Variants in HEXIM1 observed in about 807,000 individuals in gnomAD.
The protein encoded by HEXIM1 is HEXIM P-TEFb complex subunit 1.
Under a neutral mutation model 30.3 loss-of-function variants are expected in HEXIM1, and 1 was observed. The ratio of observed to expected loss-of-function variants is 0.03; its 90% CI spans 0.01 to 0.16. The LOEUF (loss-of-function observed/expected upper bound fraction) is 0.16. Among genes scored for constraint, HEXIM1 ranks in the 10% least tolerant of loss-of-function variants. The pLI, the probability that HEXIM1 is intolerant of heterozygous loss-of-function variation, is 1.00. For synonymous variants in HEXIM1, 245 were observed against 208.3 expected (o/e 1.18, Z -1.52); for missense variants, 391 against 476.4 (o/e 0.82, Z 1.67).
In HEXIM1 at chr17:45,151,933, A is replaced by G. The variant is rs1028962598; in HGVS notation, c.*1663A>G. The stretch of plus-strand genomic sequence containing the variant: ...AAAATGCACCTTGTATTGCATAAGA[A>G]GCATACACAAATCAATAAATCAAGG... On this transcript the variant is annotated 3_prime_UTR_variant, in exon 1 of 1. Transcript: ENST00000332499. 2 of 167,124 alleles carry G rather than the reference A, an allele frequency of 1.2e-5. No homozygotes were observed. Among genetic ancestry groups the G allele is most frequent in the African/African-American group, 4.8e-5 (2 of 41,458 alleles). 10.4% of individuals were successfully genotyped at this position (167,124 alleles called of 1,614,324 possible). A position where few individuals can be genotyped will look rare whatever the true frequency, so the allele number is the denominator to read the frequency against.
Position 45,149,378 on chromosome 17 carries a change from G to C in HEXIM1, c.188G>C (p.Gly63Ala). Residue 63 changes from glycine (G) to alanine (A), a missense_variant, in exon 1 of 1, where the codon GGG becomes GCG. Transcript: ENST00000332499. This position sits in a 1 kb window ranked among gnomAD's most constrained non-coding sequence, Gnocchi z 5.3. Reference protein sequence around the residue: ...PQLGGRPGPEGEGSLESQPPP... With the variant: ...PQLGGRPGPEAEGSLESQPPP... ...TTGGGTGGCCGTCCGGGGCCGGAGG[G>C]GGAAGGGAGCCTGGAATCCCAACCA... 1 of 1,613,452 alleles carries C rather than the reference G, an allele frequency of 6.2e-7. No individual in the cohort carries two copies. The highest frequency in any genetic ancestry group is 8.5e-7 in the Non-Finnish European group (1 of 1,179,932).
chr17:45,151,789 T>C lies in HEXIM1; in HGVS notation c.*1519T>C, dbSNP rs2055549159. The C allele has an allele frequency of 1.2e-5, 2 of 167,054 alleles. No homozygotes were observed. The highest frequency in any genetic ancestry group is 6.5e-5 in the Admixed American group (1 of 15,268). The allele number at this position is 167,054 out of a possible 1,614,324, so 10.3% of individuals were successfully genotyped here. Reference sequence around the variant, plus strand: ...GAGAAGGTTCAAGAGATTCATAAGATTGTCAAACTCCTTGAAGGTTCAGAA... The same window carrying C: ...GAGAAGGTTCAAGAGATTCATAAGACTGTCAAACTCCTTGAAGGTTCAGAA... On this transcript the variant is annotated 3_prime_UTR_variant, in exon 1 of 1. Coordinates refer to ENST00000332499, the MANE Select transcript of HEXIM1 (RefSeq NM_006460.3).
chr17:45,149,167 TAA>T lies in HEXIM1; in HGVS notation c.-22_-21del. ...TAAGGACTTACTAGCCAAAATTTCTTAAACTTCGAGGACTCTACTAGCCATGG... is the reference window on the plus strand; with the variant it reads ...TAAGGACTTACTAGCCAAAATTTCTTACTTCGAGGACTCTACTAGCCATGG... On this transcript the variant is annotated 5_prime_UTR_variant, in exon 1 of 1. Transcript: ENST00000332499. The surrounding 1 kb of genome is among the most constrained non-coding windows in gnomAD (Gnocchi z 5.3). 6.5e-7 allele frequency: 1 copy of T among 1,544,868 alleles called. No individual in the cohort carries two copies. The highest frequency in any genetic ancestry group is 1.2e-5 in the South Asian group (1 of 82,926).
Position 45,150,064 on chromosome 17 carries a change from C to T in HEXIM1, c.874C>T (p.Leu292=). 2 of 1,613,954 alleles carry T rather than the reference C, an allele frequency of 1.2e-6. No individual in the cohort carries two copies. Among genetic ancestry groups the T allele is most frequent in the African/African-American group, 1.3e-5 (1 of 75,026 alleles). Residue 292 remains leucine (L), a synonymous_variant, in exon 1 of 1, where the codon CTG becomes TTG. Coordinates refer to ENST00000332499, the MANE Select transcript of HEXIM1 (RefSeq NM_006460.3). The part of the protein sequence containing the change: ...MSKQELIKEY[L]ELEKCLSRME... ...CAAGCAGGAGCTCATCAAGGAGTACCTGGAACTGGAGAAGTGCCTCTCGCG... is the reference window on the plus strand; with the variant it reads ...CAAGCAGGAGCTCATCAAGGAGTACTTGGAACTGGAGAAGTGCCTCTCGCG...
In HEXIM1 at chr17:45,150,418, C is replaced by T; in HGVS notation, c.*148C>T. The T allele has an allele frequency of 1.2e-6, 1 of 812,232 alleles. No homozygotes were observed. Among genetic ancestry groups the T allele is most frequent in the East Asian group, 2.7e-5 (1 of 37,208 alleles). 50.3% of individuals were successfully genotyped at this position (812,232 alleles called of 1,614,324 possible). ...CCTGGCTTTGGTTTCGTAAATTTAG[C>T]TATATGTAGCTTGCGTGCTTTCTCC... On this transcript the variant is annotated 3_prime_UTR_variant, in exon 1 of 1. Transcript: ENST00000332499.
chr17:45,148,504 A>G lies in HEXIM1; in HGVS notation c.-687A>G, dbSNP rs1388270471. 9 of 341,522 alleles carry G rather than the reference A, an allele frequency of 2.6e-5. No homozygotes were observed. The highest frequency in any genetic ancestry group is 7.2e-4 in the Middle Eastern group (1 of 1,392). 21.2% of individuals were successfully genotyped at this position (341,522 alleles called of 1,614,324 possible). A position where few individuals can be genotyped will look rare whatever the true frequency, so the allele number is the denominator to read the frequency against. ...GTTGGAAGTTGGCAGGTGGAGAGGC[A>G]GGTTGGGAGGGAAAGTCGGGGGAGG... On this transcript the variant is annotated 5_prime_UTR_variant, in exon 1 of 1. Transcript: ENST00000332499.
chr17:45,148,804 G>T lies in HEXIM1; in HGVS notation c.-387G>T. The T allele has an allele frequency of 2.5e-6, 1 of 402,356 alleles. No individual in the cohort carries two copies. The highest frequency in any genetic ancestry group is 4.4e-6 in the Non-Finnish European group (1 of 228,182). 24.9% of individuals were successfully genotyped at this position (402,356 alleles called of 1,614,324 possible). On this transcript the variant is annotated 5_prime_UTR_variant, in exon 1 of 1. Coordinates refer to ENST00000332499, the MANE Select transcript of HEXIM1 (RefSeq NM_006460.3). ...CTGGCCCCTCGGAGGCAGCGTCATC[G>T]GTAGTTTTAACCCCTTCGGGGCTGG...
In HEXIM1 at chr17:45,148,477, C is replaced by G; in HGVS notation, c.-714C>G. 2.5e-6 allele frequency: 1 copy of G among 396,376 alleles called. No individual in the cohort carries two copies. Among genetic ancestry groups the G allele is most frequent in the Non-Finnish European group, 4.4e-6 (1 of 225,854 alleles). 24.6% of individuals were successfully genotyped at this position (396,376 alleles called of 1,614,324 possible). Reference sequence around the variant, plus strand: ...AGGGGCGCAGAGGACTGGGAGACAGCAGTTGGAAGTTGGCAGGTGGAGAGG... The same window carrying G: ...AGGGGCGCAGAGGACTGGGAGACAGGAGTTGGAAGTTGGCAGGTGGAGAGG... On this transcript the variant is annotated 5_prime_UTR_variant, in exon 1 of 1. Transcript: ENST00000332499.
rs560976202 is a variant in HEXIM1 at position 45,149,032 on chromosome 17, T to C, written c.-159T>C. 1.9e-4 allele frequency: 138 copies of C among 710,808 alleles called. No individual in the cohort carries two copies. The highest frequency in any genetic ancestry group is 4.1e-4 in the Middle Eastern group (1 of 2,460). The allele number at this position is 710,808 out of a possible 1,614,324, so 44.0% of individuals were successfully genotyped here. A position where few individuals can be genotyped will look rare whatever the true frequency, so the allele number is the denominator to read the frequency against. On this transcript the variant is annotated 5_prime_UTR_variant, in exon 1 of 1. Coordinates refer to ENST00000332499, the MANE Select transcript of HEXIM1 (RefSeq NM_006460.3). The surrounding 1 kb of genome is among the most constrained non-coding windows in gnomAD (Gnocchi z 5.3). ...CCAGATTGCAGTTGGAGTTTGCTGA[T>C]AGAAGGACTAGCTAAAGGCGTCACT...
In HEXIM1 at chr17:45,149,190, C is replaced by T. The variant is rs773843252; in HGVS notation, c.-1C>T. On this transcript the variant is annotated 5_prime_UTR_variant, in exon 1 of 1. Coordinates refer to ENST00000332499, the MANE Select transcript of HEXIM1 (RefSeq NM_006460.3). This position sits in a 1 kb window ranked among gnomAD's most constrained non-coding sequence, Gnocchi z 5.3. ...CTTAAACTTCGAGGACTCTACTAGC[C>T]ATGGCCGAGCCATTCTTGTCAGAAT... 16 of 1,608,996 alleles carry T rather than the reference C, an allele frequency of 9.9e-6. No individual in the cohort carries two copies. The East Asian group carries it at 2.2e-4, about 22-fold the overall frequency.
In HEXIM1 at chr17:45,148,782, G is replaced by GC. The variant is rs1355436127; in HGVS notation, c.-405dup. Reference sequence around the variant, plus strand: ...GGGGATTTAACCCTTTGTGGATCTGGCCCCTCGGAGGCAGCGTCATCGGTA... The same window carrying GC: ...GGGGATTTAACCCTTTGTGGATCTGGCCCCCTCGGAGGCAGCGTCATCGGTA... On this transcript the variant is annotated 5_prime_UTR_variant, in exon 1 of 1. Transcript: ENST00000332499. The GC allele has an allele frequency of 2.5e-6, 1 of 403,036 alleles. No individual in the cohort carries two copies. Among genetic ancestry groups the GC allele is most frequent in the Non-Finnish European group, 4.4e-6 (1 of 228,398 alleles). The allele number at this position is 403,036 out of a possible 1,614,324, so 25.0% of individuals were successfully genotyped here. A position where few individuals can be genotyped will look rare whatever the true frequency, so the allele number is the denominator to read the frequency against.
At position 45,150,106 on chromosome 17, in the gene HEXIM1, A is replaced by C. The variant is rs1232619623; in HGVS notation, c.916A>C (p.Asn306His). The C allele has an allele frequency of 3.7e-6, 6 of 1,613,866 alleles. 1 individual carries two copies. Among genetic ancestry groups the C allele is most frequent in the Non-Finnish European group, 3.4e-6 (4 of 1,180,038 alleles). ...CCTCTCGCGCATGGAGGACGAGAAC[A>C]ACCGGCTGCGGCTGGAGAGCAAGCG... ...KCLSRMEDEN[N>H]RLRLESKRLG... Residue 306 changes from asparagine (N) to histidine (H), a missense_variant, in exon 1 of 1, where the codon AAC becomes CAC. Transcript: ENST00000332499.
At position 45,148,712 on chromosome 17, in the gene HEXIM1, G is replaced by C. The variant is rs1156403671; in HGVS notation, c.-479G>C. ...GTGGAAGCGACACCCGTGGAAGTGGGAGGAGGTGGCGCCGGGACTTTAACC... is the reference window on the plus strand; with the variant it reads ...GTGGAAGCGACACCCGTGGAAGTGGCAGGAGGTGGCGCCGGGACTTTAACC... On this transcript the variant is annotated 5_prime_UTR_variant, in exon 1 of 1. Coordinates refer to ENST00000332499, the MANE Select transcript of HEXIM1 (RefSeq NM_006460.3). 5.0e-6 allele frequency: 2 copies of C among 401,202 alleles called. No individual in the cohort carries two copies. Among genetic ancestry groups the C allele is most frequent in the Non-Finnish European group, 8.8e-6 (2 of 227,534 alleles). 24.9% of individuals were successfully genotyped at this position (401,202 alleles called of 1,614,324 possible).
rs766615192 is a variant in HEXIM1 at position 45,151,691 on chromosome 17, G to A, written c.*1421G>A. The A allele has an allele frequency of 7.8e-5, 13 of 167,070 alleles. No individual in the cohort carries two copies. Among genetic ancestry groups the A allele is most frequent in the African/African-American group, 2.9e-4 (12 of 41,448 alleles). The allele number at this position is 167,070 out of a possible 1,614,324, so 10.3% of individuals were successfully genotyped here. On this transcript the variant is annotated 3_prime_UTR_variant, in exon 1 of 1. Transcript: ENST00000332499. ...AGAGGTTCCTTAATTTGGGGCCTTA[G>A]AAACCATTGTGGGCCTTGGGGTCCA...
rs1451337883 is a variant in HEXIM1, at chr17:45,150,136, G to C, written c.946G>C (p.Gly316Arg). 1 of 1,613,518 alleles carries C rather than the reference G, an allele frequency of 6.2e-7. No homozygotes were observed. The highest frequency in any genetic ancestry group is 8.5e-7 in the Non-Finnish European group (1 of 1,180,042). The change falls in exon 1 of 1, where the codon GGT (glycine) becomes CGT (arginine). Residue 316 changes from glycine to arginine, a missense_variant. This residue lies in a region of HEXIM1 where 73 missense variants were observed against 80.9 expected (regional missense o/e 0.90). Coordinates refer to ENST00000332499, the MANE Select transcript of HEXIM1 (RefSeq NM_006460.3). ...GCTGCGGCTGGAGAGCAAGCGGCTG[G>C]GTGGCGACGACGCGCGTGTGCGGGA... is the stretch of plus-strand genomic sequence containing the variant. ...NRLRLESKRL[G>R]GDDARVRELE... is the part of the protein sequence containing the mutation.
In HEXIM1 at chr17:45,149,024, T is replaced by A; in HGVS notation, c.-167T>A. On this transcript the variant is annotated 5_prime_UTR_variant, in exon 1 of 1. Transcript: ENST00000332499. This position sits in a 1 kb window ranked among gnomAD's most constrained non-coding sequence, Gnocchi z 5.3. ...TGAGCTCCCCAGATTGCAGTTGGAGTTTGCTGATAGAAGGACTAGCTAAAG... is the reference window on the plus strand; with the variant it reads ...TGAGCTCCCCAGATTGCAGTTGGAGATTGCTGATAGAAGGACTAGCTAAAG... 1.5e-6 allele frequency: 1 copy of A among 666,420 alleles called. No homozygotes were observed. The highest frequency in any genetic ancestry group is 2.8e-5 in the East Asian group (1 of 35,112). The allele number at this position is 666,420 out of a possible 1,614,324, so 41.3% of individuals were successfully genotyped here.
In HEXIM1 at chr17:45,149,467, A is replaced by C; in HGVS notation, c.277A>C (p.Asn93His). The part of the protein sequence containing the change: ...SCLREGEKGQ[N>H]GDDSSAGGDF... Reference sequence around the variant, plus strand: ...CCTGAGAGAGGGCGAGAAGGGCCAGAATGGGGACGACTCGTCCGCTGGCGG... The same window carrying C: ...CCTGAGAGAGGGCGAGAAGGGCCAGCATGGGGACGACTCGTCCGCTGGCGG... Residue 93 changes from asparagine (N) to histidine (H), a missense_variant, in exon 1 of 1, where the codon AAT becomes CAT. Asn to His is a moderately conservative substitution (Grantham distance 68). Transcript: ENST00000332499. The surrounding 1 kb of genome is among the most constrained non-coding windows in gnomAD (Gnocchi z 5.3). 1 of 1,612,536 alleles carries C rather than the reference A, an allele frequency of 6.2e-7. No individual in the cohort carries two copies. Among genetic ancestry groups the C allele is most frequent in the Non-Finnish European group, 8.5e-7 (1 of 1,179,706 alleles).
chr17:45,149,105 CTTTTTCTT>C lies in HEXIM1; in HGVS notation c.-80_-73del. ...GACTCTGTTGGACTGTTTTTTTTTT[CTTTTTCTT>C]TTTTTTAAGAAAAACCCATTTTTTT... On this transcript the variant is annotated 5_prime_UTR_variant, in exon 1 of 1. Transcript: ENST00000332499. The surrounding 1 kb of genome is among the most constrained non-coding windows in gnomAD (Gnocchi z 5.3). The C allele has an allele frequency of 8.8e-7, 1 of 1,139,092 alleles. No individual in the cohort carries two copies. Among genetic ancestry groups the C allele is most frequent in the Non-Finnish European group, 1.2e-6 (1 of 827,146 alleles). 70.6% of individuals were successfully genotyped at this position (1,139,092 alleles called of 1,614,324 possible). A position where few individuals can be genotyped will look rare whatever the true frequency, so the allele number is the denominator to read the frequency against.
Position 45,148,704 on chromosome 17 carries a change from G to A in HEXIM1, c.-487G>A. The A allele has an allele frequency of 2.5e-6, 1 of 401,470 alleles. No individual in the cohort carries two copies. The allele number at this position is 401,470 out of a possible 1,614,324, so 24.9% of individuals were successfully genotyped here. A position where few individuals can be genotyped will look rare whatever the true frequency, so the allele number is the denominator to read the frequency against. ...GAGCTTGGGTGGAAGCGACACCCGT[G>A]GAAGTGGGAGGAGGTGGCGCCGGGA... is the stretch of plus-strand genomic sequence containing the variant. On this transcript the variant is annotated 5_prime_UTR_variant, in exon 1 of 1. Transcript: ENST00000332499.
Sources: gnomAD v4.1 joint callset for allele counts on GRCh38, gnomAD v4.1.1 for gene constraint, gnomAD v4.1.1 regional missense constraint, Gnocchi (gnomAD v3.1) non-coding constraint, MANE v1.5 for transcripts, NCBI Gene and HGNC (gene_info 2026-07-23, HGNC 2026-07-21) for gene names.